The following MALRD1 variants were observed in gnomAD, a reference collection of about 807,000 sequenced individuals.
MALRD1 encodes MAM and LDL receptor class A domain containing 1.
MALRD1 carries 247 observed loss-of-function variants against 242.1 expected under a neutral mutation model. The ratio of observed to expected loss-of-function variants is 1.02; its 90% CI spans 0.92 to 1.13. The LOEUF (loss-of-function observed/expected upper bound fraction) is 1.13, where lower values mean the gene tolerates loss of function less well. Among genes scored for constraint, MALRD1 ranks in the 50% most tolerant of loss-of-function variants. The probability of loss-of-function intolerance (pLI) is 0.00; values close to 1 mark genes in which losing one functional copy is unlikely to be tolerated. For missense variants in MALRD1, 2,989 were observed against 2,533.1 expected (o/e 1.18, Z -3.86); for synonymous variants, 995 against 866.6 (o/e 1.15, Z -2.60).
chr10:19,103,921 A>C (rs1564393660), intron 4 of MALRD1, 58 bp from the exon 5 acceptor site: 1 of 1,015,990 alleles, frequency 9.8e-7, no homozygotes, highest in Non-Finnish European at 1.3e-6. Context: ...ACACTGTGAG[A>C]CAGTGATGTT....
At chr10:19,730,810 TCACACATATGCA>T in intron 39 of MALRD1, 29 bp downstream of exon 39, 3 of 1,519,940 alleles carry the variant, frequency 2.0e-6, no homozygotes, top group Non-Finnish European at 2.6e-6. Context: ...CTATATCTTT[TCACACATATGCA>T]CACACATACA....
intron 30 of MALRD1, among the ~76,000 whole-genome samples, chr10:19,495,400 C>A (rs928443506): frequency 6.6e-6 from 1 of 150,830 alleles, no homozygotes; most frequent in South Asian, 2.1e-4. Context: ...AGCAGTGAAT[C>A]TTTTACCTTC....
intron 24 of MALRD1, among the ~76,000 whole-genome samples, chr10:19,337,409 C>G (rs1272928003): frequency 6.6e-6 from 1 of 152,094 alleles, no homozygotes; most frequent in African/African-American, 2.4e-5. Context: ...GGACCCGCTG[C>G]TTTCCTTTTT....
intron 14 of MALRD1, among the ~76,000 whole-genome samples, chr10:19,182,483 C>T (rs1331840415): frequency 7.1e-6 from 1 of 141,584 alleles, no homozygotes; most frequent in Admixed American, 7.3e-5. Context: ...CGCCATCACG[C>T]CCGGCTAATT....
intron 5 of MALRD1, among the ~76,000 whole-genome samples, chr10:19,115,531 A>C (rs1836841649): frequency 6.6e-6 from 1 of 152,158 alleles, no homozygotes; most frequent in Admixed American, 6.5e-5. Context: ...GAAATGACCA[A>C]CTTTTAAAGT....
chr10:19,306,345 A>G (rs2991933), intron 21 of MALRD1, among the ~76,000 whole-genome samples: 34,183 of 126,678 alleles, frequency 0.27, 5,297 homozygotes, highest in South Asian at 0.38. Flanking sequence ...TATATATACC[A>G]TATATAGTAT....
intron 13 of MALRD1, among the ~76,000 whole-genome samples, chr10:19,171,450 A>G (rs886251663): frequency 1.6e-4 from 15 of 94,788 alleles, no homozygotes; most frequent in Non-Finnish European, 3.8e-4. Context: ...ATATATATAT[A>G]TATATATACA....
chr10:19,564,465 A>G (rs1836166772), intron 32 of MALRD1, among the ~76,000 whole-genome samples: 1 of 152,068 alleles, frequency 6.6e-6, no homozygotes, highest in African/African-American at 2.4e-5. Flanking sequence ...CTCTACTATA[A>G]TTTAATATTT....
Position 19,664,699 on chromosome 10 carries a change from A to G in MALRD1, c.6138-27583A>G, listed in dbSNP as rs115421697. Reference sequence around the variant, plus strand: ...CTATATTGAAAAAATGTGTTTTAATATATTTATTATAAATAATTTAAAAAT... The same window carrying G: ...CTATATTGAAAAAATGTGTTTTAATGTATTTATTATAAATAATTTAAAAAT... On this transcript the variant is annotated intron_variant, in intron 36 of 39. Coordinates refer to ENST00000454679, the MANE Select transcript of MALRD1 (RefSeq NM_001142308.3). Among the ~76,000 whole-genome samples the G allele has an allele frequency of 3.2e-3, 493 of 151,880 alleles. 2 individuals carry two copies. The highest frequency in any genetic ancestry group is 0.011 in the African/African-American group (474 of 41,530).
chr10:19,215,407 G>T (rs7091387), intron 18 of MALRD1, among the ~76,000 whole-genome samples: 1 of 151,976 alleles, frequency 6.6e-6, no homozygotes, highest in African/African-American at 2.4e-5. Flanking sequence ...CACAAACAAG[G>T]TTAATTTTTT....
chr10:19,573,495 G>T (rs1394881886), intron 33 of MALRD1, among the ~76,000 whole-genome samples: 4 of 152,076 alleles, frequency 2.6e-5, no homozygotes, highest in Non-Finnish European at 5.9e-5. Flanking sequence ...CCAACTTTAG[G>T]CAGGAAAAGC....
intron 36 of MALRD1, among the ~76,000 whole-genome samples, chr10:19,651,474 G>A (rs1477650459): frequency 1.3e-5 from 2 of 151,918 alleles, no homozygotes; most frequent in Non-Finnish European, 2.9e-5. Flanking sequence ...TTATTTGAAG[G>A]GAAAAAAAGC....
At chr10:19,144,520 T>C (rs909157890) in intron 10 of MALRD1, among the ~76,000 whole-genome samples, 1 of 152,228 alleles carries the variant, frequency 6.6e-6, no homozygotes, top group African/African-American at 2.4e-5. Context: ...AAATCAGGTG[T>C]CCCTATTACA....
At chr10:19,427,186 G>A (rs1363843045) in intron 28 of MALRD1, among the ~76,000 whole-genome samples, 1 of 152,054 alleles carries the variant, frequency 6.6e-6, no homozygotes, top group Non-Finnish European at 1.5e-5. Flanking sequence ...TGGCATCCTT[G>A]TTCTTTGTAA....
intron 32 of MALRD1, among the ~76,000 whole-genome samples, chr10:19,551,194 T>G (rs1835453926): frequency 6.6e-6 from 1 of 152,196 alleles, no homozygotes. Context: ...TCTTTACAGA[T>G]GCTGGATATT....
At chr10:19,142,199 T>G (rs1350089874) in intron 10 of MALRD1, among the ~76,000 whole-genome samples, 138 of 92,582 alleles carry the variant, frequency 1.5e-3, no homozygotes, top group Non-Finnish European at 1.9e-3. Flanking sequence ...AAAAAAAAAG[T>G]GGAATGCTAA....
At chr10:19,215,795 G>A (rs1197720908) in intron 18 of MALRD1, among the ~76,000 whole-genome samples, 3 of 51,716 alleles carry the variant, frequency 5.8e-5, no homozygotes, top group Non-Finnish European at 1.1e-4. Context: ...TAAATAAATA[G>A]TATATTTATT....
At chr10:19,376,123 A>AAAAAC (rs1239961519) in intron 26 of MALRD1, among the ~76,000 whole-genome samples, 6 of 152,388 alleles carry the variant, frequency 3.9e-5, no homozygotes, top group East Asian at 1.9e-4. Context: ...CTTCGTCTCA[A>AAAAAC]AAAACAAAAC....
At chr10:19,252,190 G>T (rs1335950619) in intron 18 of MALRD1, among the ~76,000 whole-genome samples, 2 of 152,046 alleles carry the variant, frequency 1.3e-5, no homozygotes, top group Non-Finnish European at 2.9e-5. Flanking sequence ...GAGGACTAGT[G>T]TCTGCGGCAG....
Sources: gnomAD v4.1 joint callset for allele counts (sites outside exome capture counted in the v4.1 genomes callset) on GRCh38, gnomAD v4.1.1 for gene constraint, MANE v1.5 for transcripts, NCBI Gene and HGNC (gene_info 2026-07-23, HGNC 2026-07-21) for gene names.